The following REC8 variants were observed in gnomAD, a reference collection of about 807,000 sequenced individuals.
The protein encoded by REC8 is REC8 meiotic recombination protein, also known as meiotic recombination protein REC8 homolog.
A neutral mutation model predicts 78.3 loss-of-function variants in REC8; 42 were observed. The ratio of observed to expected loss-of-function variants is 0.54; its 90% CI spans 0.42 to 0.69. The LOEUF (loss-of-function observed/expected upper bound fraction) is 0.69, where lower values mean the gene tolerates loss of function less well. REC8 is among the 30% of genes least tolerant of loss of function. REC8 has a pLI of 0.00. For missense variants in REC8, 581 were observed against 715.8 expected (o/e 0.81, Z 2.15); for synonymous variants, 268 against 274.1 (o/e 0.98, Z 0.22).
At position 24,173,014 on chromosome 14, in the gene REC8, T is replaced by C. The variant is rs1165711168; in HGVS notation, c.241T>C (p.Tyr81His). Residue 81 changes from tyrosine to histidine, a missense_variant, in exon 3 of 19, where the codon TAT becomes CAT. Coordinates refer to ENST00000611366, the MANE Select transcript of REC8 (RefSeq NM_001048205.2). ...ACTTCAGATCGGTGTGATCCGCGTC[T>C]ATTCTCAACAATGCCAGTACCTCGT... ...AQLQIGVIRV[Y>H]SQQCQYLVED... The C allele has an allele frequency of 6.2e-7, 1 of 1,608,658 alleles. No homozygotes were observed.
chr14:24,179,797 T>A lies in REC8; in HGVS notation c.1452-3T>A, dbSNP rs770531511. 5.6e-6 allele frequency: 9 copies of A among 1,613,396 alleles called. No individual in the cohort carries two copies. Among genetic ancestry groups the A allele is most frequent in the Admixed American group, 1.7e-5 (1 of 59,976 alleles). ...CTCTGCTAATGGTTCTTGATCCCTATAGGGCAGTGGCACTGGAGCTGCAGG... is the reference window on the plus strand; with the variant it reads ...CTCTGCTAATGGTTCTTGATCCCTAAAGGGCAGTGGCACTGGAGCTGCAGG... On this transcript the variant is annotated splice_polypyrimidine_tract_variant and splice_region_variant and intron_variant, in intron 17 of 18. Coordinates refer to ENST00000611366, the MANE Select transcript of REC8 (RefSeq NM_001048205.2).
At chr14:24,174,695 C>T (rs2038814047) in intron 5 of REC8, among the ~76,000 whole-genome samples, 1 of 152,194 alleles carries the variant, frequency 6.6e-6, no homozygotes, top group Non-Finnish European at 1.5e-5. Context: ...CACATCTTTG[C>T]TTGTACTGTT....
At position 24,177,598 on chromosome 14, in the gene REC8, A is replaced by G. The variant is rs557239283; in HGVS notation, c.814+57A>G. On this transcript the variant is annotated intron_variant, in intron 10 of 18. Coordinates refer to ENST00000611366, the MANE Select transcript of REC8 (RefSeq NM_001048205.2). The stretch of plus-strand genomic sequence containing the variant: ...TGGGAGTACCTGGATACTGCTGCAG[A>G]CAAGGGCTTTATATCCCAACTTGCT... The G allele has an allele frequency of 7.6e-6, 12 of 1,585,788 alleles. No individual in the cohort carries two copies. The African/African-American group carries it at 1.6e-4, about 21-fold the overall frequency.
In REC8 at chr14:24,177,691, C is replaced by G; in HGVS notation, c.815-18C>G. On this transcript the variant is annotated intron_variant, in intron 10 of 18. Transcript: ENST00000611366. ...GGTAAGGGGCTTATGGGACAGAGCC[C>G]CTTGGGTGTTGTTGCAGAGGTGACC... 1 of 1,608,238 alleles carries G rather than the reference C, an allele frequency of 6.2e-7. No individual in the cohort carries two copies. Among genetic ancestry groups the G allele is most frequent in the Non-Finnish European group, 8.5e-7 (1 of 1,177,398 alleles).
In REC8 at chr14:24,172,306, T is replaced by C. The variant is rs913605529; in HGVS notation, c.-247T>C. The C allele has an allele frequency of 1.9e-5, 10 of 537,050 alleles. No individual in the cohort carries two copies. The highest frequency in any genetic ancestry group is 3.0e-5 in the Non-Finnish European group (9 of 303,940). The allele number at this position is 537,050 out of a possible 1,614,324, so 33.3% of individuals were successfully genotyped here. Reference sequence around the variant, plus strand: ...CTCAAGTTTGACGCATCACGTGGCGTGCGGATCCACTGAGGGTCCACAGAG... The same window carrying C: ...CTCAAGTTTGACGCATCACGTGGCGCGCGGATCCACTGAGGGTCCACAGAG... On this transcript the variant is annotated 5_prime_UTR_variant, in exon 1 of 19. Transcript: ENST00000611366.
chr14:24,180,099 T>C lies in REC8; in HGVS notation c.*4T>C, dbSNP rs1555352298. 6.2e-7 allele frequency: 1 copy of C among 1,614,026 alleles called. No homozygotes were observed. The highest frequency in any genetic ancestry group is 8.5e-7 in the Non-Finnish European group (1 of 1,180,050). On this transcript the variant is annotated 3_prime_UTR_variant, in exon 19 of 19. Coordinates refer to ENST00000611366, the MANE Select transcript of REC8 (RefSeq NM_001048205.2). ...GCCGGGGCCCAGATTCCACTGAGGT[T>C]AGAGTCCATTTACAAAGCTGCCAGG...
rs1198633050 is a variant in REC8 at position 24,180,120 on chromosome 14, C to T, written c.*25C>T. 1.2e-6 allele frequency: 2 copies of T among 1,614,102 alleles called. No individual in the cohort carries two copies. Among genetic ancestry groups the T allele is most frequent in the East Asian group, 2.2e-5 (1 of 44,886 alleles). ...AGGTTAGAGTCCATTTACAAAGCTG[C>T]CAGGAAACCGGCCACTTCTAGTAAA... On this transcript the variant is annotated 3_prime_UTR_variant, in exon 19 of 19. Coordinates refer to ENST00000611366, the MANE Select transcript of REC8 (RefSeq NM_001048205.2).
chr14:24,177,603 G>A, intron 10 of REC8, 62 bp downstream of exon 10: 3 of 1,582,414 alleles, frequency 1.9e-6, no homozygotes, highest in Non-Finnish European at 2.6e-6. Context: ...TGCAGACAAG[G>A]GCTTTATATC....
chr14:24,175,113 TCTC>T (rs2038832895), intron 5 of REC8, among the ~76,000 whole-genome samples: 2 of 151,634 alleles, frequency 1.3e-5, no homozygotes, highest in Non-Finnish European at 1.5e-5. Context: ...TTCAAGCAAT[TCTC>T]CTGTCTCCGC....
chr14:24,179,078 T>A lies in REC8; in HGVS notation c.1204-7T>A. ...TGGGGTCTTAGTTCTACTTCTCCCA[T>A]CCCCAGGTCCCGAGGGAGGCCCTGG... On this transcript the variant is annotated splice_polypyrimidine_tract_variant and splice_region_variant and intron_variant, in intron 14 of 18. Coordinates refer to ENST00000611366, the MANE Select transcript of REC8 (RefSeq NM_001048205.2). 2 of 1,603,304 alleles carry A rather than the reference T, an allele frequency of 1.2e-6. No individual in the cohort carries two copies. The highest frequency in any genetic ancestry group is 1.7e-6 in the Non-Finnish European group (2 of 1,174,720).
intron 11 of REC8, 23 bp downstream of exon 11, chr14:24,177,781 C>G: frequency 6.9e-7 from 1 of 1,454,378 alleles, no homozygotes; most frequent in Non-Finnish European, 9.3e-7. Context: ...CCTTCTAATC[C>G]TCCTCCTCCT....
Position 24,172,262 on chromosome 14 carries a change from TGGAACCCAACCCA to T in REC8, c.-289_-277del. Reference sequence around the variant, plus strand: ...CCCTTGGAGCTCTGCATCTCCAACCTGGAACCCAACCCAGAAGTCTCAAGTTTGACGCATCACG... The same window carrying T: ...CCCTTGGAGCTCTGCATCTCCAACCTGAAGTCTCAAGTTTGACGCATCACG... On this transcript the variant is annotated 5_prime_UTR_variant, in exon 1 of 19. Transcript: ENST00000611366. The T allele has an allele frequency of 2.5e-5, 12 of 480,354 alleles. No individual in the cohort carries two copies. In the South Asian group the frequency reaches 3.5e-4, roughly 14 times the overall value. The allele number at this position is 480,354 out of a possible 1,614,324, so 29.8% of individuals were successfully genotyped here.
chr14:24,174,085 G>A (rs979858752), intron 5 of REC8, among the ~76,000 whole-genome samples: 36 of 151,784 alleles, frequency 2.4e-4, no homozygotes, highest in Admixed American at 6.6e-5. Flanking sequence ...GGCTGGTTTC[G>A]AACCCCTGAC....
At position 24,175,443 on chromosome 14, in the gene REC8, A is replaced by C. The variant is rs2038848156; in HGVS notation, c.463-100A>C. On this transcript the variant is annotated intron_variant, in intron 5 of 18. Coordinates refer to ENST00000611366, the MANE Select transcript of REC8 (RefSeq NM_001048205.2). ...TGTCAATGCAACAAGAATTAGGCAT[A>C]AAAGGAGATTACCGTGCATTGTTGA... The C allele has an allele frequency of 5.5e-6, 5 of 913,020 alleles. No homozygotes were observed. In the East Asian group the frequency reaches 1.2e-4, roughly 22 times the overall value. 56.6% of individuals were successfully genotyped at this position (913,020 alleles called of 1,614,324 possible).
chr14:24,174,989 C>A (rs1444256896), intron 5 of REC8, among the ~76,000 whole-genome samples: 1 of 149,406 alleles, frequency 6.7e-6, no homozygotes, highest in Non-Finnish European at 1.5e-5. Context: ...GATAACGATG[C>A]ACTGCTGCTT....
Position 24,179,401 on chromosome 14 carries a change from C to G in REC8, c.1257C>G (p.Ile419Met), listed in dbSNP as rs373995199. The G allele has an allele frequency of 1.9e-6, 3 of 1,613,936 alleles. No individual in the cohort carries two copies. Among genetic ancestry groups the G allele is most frequent in the African/African-American group, 2.7e-5 (2 of 74,936 alleles). The change falls in exon 16 of 19, where the codon ATC becomes ATG. Residue 419 changes from isoleucine to methionine, a missense_variant. Physicochemically the swap from Ile to Met is conservative, Grantham distance 10 (BLOSUM62 1). Coordinates refer to ENST00000611366, the MANE Select transcript of REC8 (RefSeq NM_001048205.2). ...GCGCCTTTCCTCCCCCAACAGAGATCTCCCTAGAGGCAGCTGAAGAGGAGA... is the reference window on the plus strand; with the variant it reads ...GCGCCTTTCCTCCCCCAACAGAGATGTCCCTAGAGGCAGCTGAAGAGGAGA... The part of the protein sequence containing the change: ...PSVPLMVSLE[I>M]SLEAAEEEKS...
rs371804350 is a variant in REC8 at position 24,179,659 on chromosome 14, G to C, written c.1384G>C (p.Val462Leu). 12 of 1,614,220 alleles carry C rather than the reference G, an allele frequency of 7.4e-6. No homozygotes were observed. In the East Asian group the frequency reaches 2.7e-4, roughly 36 times the overall value. The change falls in exon 17 of 19, where the codon GTG (valine) becomes CTG (leucine). Residue 462 changes from valine (V) to leucine (L), a missense_variant. Val to Leu is a conservative substitution (Grantham distance 32). Coordinates refer to ENST00000611366, the MANE Select transcript of REC8 (RefSeq NM_001048205.2). Reference protein sequence around the residue: ...ALPVVPELPEVPMEMPLVLPP... With the variant: ...ALPVVPELPELPMEMPLVLPP... ...GCCCGTGGTGCCTGAACTCCCTGAGGTGCCCATGGAGATGCCTTTGGTGCT... is the reference window on the plus strand; with the variant it reads ...GCCCGTGGTGCCTGAACTCCCTGAGCTGCCCATGGAGATGCCTTTGGTGCT...
rs1242738619 is a variant in REC8, at chr14:24,177,139, A to G, written c.625-2A>G. 1 of 1,613,662 alleles carries G rather than the reference A, an allele frequency of 6.2e-7. No homozygotes were observed. ...CTCCCCTTGCTCTTCCTCTCTGGAC[A>G]GGGTGAACGGGAGCTCCCAGAGGTC... On this transcript the variant is annotated splice_acceptor_variant, in intron 7 of 18. Transcript: ENST00000611366. LOFTEE classifies it high-confidence loss of function.
At chr14:24,173,438 A>T in intron 5 of REC8, 27 bp downstream of exon 5, 1 of 1,612,798 alleles carries the variant, frequency 6.2e-7, no homozygotes, top group Non-Finnish European at 8.5e-7. Context: ...AAGACTCGTG[A>T]ATTGGCAATG....
Sources: gnomAD v4.1 joint callset for allele counts (sites outside exome capture counted in the v4.1 genomes callset) on GRCh38, gnomAD v4.1.1 for gene constraint, MANE v1.5 for transcripts, NCBI Gene and HGNC (gene_info 2026-07-23, HGNC 2026-07-21) for gene names.